KCNIP4: variants seen among roughly 807,000 people sequenced by gnomAD.
KCNIP4 encodes the protein potassium voltage-gated channel interacting protein 4, also known as Kv channel-interacting protein 4.
A neutral mutation model predicts 34.0 loss-of-function variants in KCNIP4; 12 were observed. That is an observed-to-expected ratio of 0.35 (90% CI 0.23 to 0.57). The LOEUF (loss-of-function observed/expected upper bound fraction) is 0.57. KCNIP4 is among the 20% of genes least tolerant of loss of function. The pLI is 0.83. For missense variants in KCNIP4, 238 were observed against 311.7 expected (o/e 0.76, Z 1.78); for synonymous variants, 124 against 102.2 (o/e 1.21, Z -1.29).
rs570899590 is a variant in KCNIP4, at chr4:21,502,466, TAAG to T, written c.61+446102_61+446104del. Among the ~76,000 whole-genome samples, 634 of 152,278 alleles carry T rather than the reference TAAG, an allele frequency of 4.2e-3. 4 individuals are homozygous for T. The highest frequency in any genetic ancestry group is 0.015 in the African/African-American group (606 of 41,568). ...TTTGCCATTGCCAATCATTTTGCCC[TAAG>T]AATATACAAATCCCCAGATATCAGG... is the stretch of plus-strand genomic sequence containing the variant. On this transcript the variant is annotated intron_variant, in intron 1 of 8. Coordinates refer to ENST00000382152, the MANE Select transcript of KCNIP4 (RefSeq NM_025221.6).
chr4:21,547,117 A>C (rs1577573441), intron 1 of KCNIP4, among the ~76,000 whole-genome samples: 1 of 152,174 alleles, frequency 6.6e-6, no homozygotes, highest in East Asian at 1.9e-4. Flanking sequence ...AGGACAAATG[A>C]ATGTGGAGTA....
rs147182737 is a variant in KCNIP4 at position 21,177,207 on chromosome 4, G to A, written c.62-294498C>T. Among the ~76,000 whole-genome samples the A allele has an allele frequency of 7.4e-3, 1,130 of 152,128 alleles. 20 individuals are homozygous for A. Among genetic ancestry groups the A allele is most frequent in the African/African-American group, 0.025 (1,025 of 41,518 alleles). On this transcript the variant is annotated intron_variant, in intron 1 of 8. Coordinates refer to ENST00000382152, the MANE Select transcript of KCNIP4 (RefSeq NM_025221.6). ...ATATAGAGTTAAAAAAATCTGGCCC[G>A]TGGAGAATACAATCTAGTAAAAGAG...
chr4:21,846,061 A>G (rs1294257985), intron 1 of KCNIP4: 3 of 152,012 alleles, frequency 2.0e-5, no homozygotes, highest in African/African-American at 7.2e-5. Flanking sequence ...GTCATATAAT[A>G]TGGATGCTTC....
intron 1 of KCNIP4, among the ~76,000 whole-genome samples, chr4:20,928,876 A>T (rs2149597597): frequency 6.6e-6 from 1 of 152,104 alleles, no homozygotes; most frequent in Admixed American, 6.5e-5. Context: ...ACCAATAAAA[A>T]TTAAGAGATT....
chr4:21,364,444 A>G (rs994195796), intron 1 of KCNIP4, among the ~76,000 whole-genome samples: 7 of 152,286 alleles, frequency 4.6e-5, no homozygotes, highest in Admixed American at 4.6e-4. Context: ...AATTGTTTTG[A>G]GAAAACAAAT....
rs1272418044 is a variant in KCNIP4, at chr4:21,927,675, T to G, written c.61+20896A>C. ...AGTAACAAGTATTCGGTTTACTTTT[T>G]TACTTTCATGTGTAATATTCAAGTC... On this transcript the variant is annotated intron_variant, in intron 1 of 8. Coordinates refer to ENST00000382152, the MANE Select transcript of KCNIP4 (RefSeq NM_025221.6). Among the ~76,000 whole-genome samples the G allele has an allele frequency of 2.0e-5, 3 of 152,204 alleles. No individual in the cohort carries two copies. In the East Asian group the frequency reaches 5.8e-4, roughly 29 times the overall value.
At chr4:21,125,303 C>T (rs1310479278) in intron 1 of KCNIP4, among the ~76,000 whole-genome samples, 12 of 150,710 alleles carry the variant, frequency 8.0e-5, no homozygotes, top group African/African-American at 2.2e-4. Context: ...CAGCAACCTC[C>T]GCCTCAGGGT....
chr4:21,730,599 TAA>T (rs1177513747), intron 1 of KCNIP4, among the ~76,000 whole-genome samples: 1 of 152,066 alleles, frequency 6.6e-6, no homozygotes, highest in Non-Finnish European at 1.5e-5. Flanking sequence ...TAATGAAAAA[TAA>T]GTTTCATGAG....
intron 1 of KCNIP4, among the ~76,000 whole-genome samples, chr4:21,072,976 G>T (rs1745110921): frequency 6.6e-6 from 1 of 152,140 alleles, no homozygotes; most frequent in Non-Finnish European, 1.5e-5. Flanking sequence ...TATTCTTTCT[G>T]AGGACTCTGT....
intron 1 of KCNIP4, chr4:20,983,696 A>G: frequency 2.6e-6 from 2 of 783,254 alleles, no homozygotes; most frequent in African/African-American, 3.5e-5. Flanking sequence ...GCTCTATGCC[A>G]AACATGCATA....
chr4:21,204,889 C>A (rs1222057944), intron 1 of KCNIP4, among the ~76,000 whole-genome samples: 3 of 152,078 alleles, frequency 2.0e-5, no homozygotes, highest in African/African-American at 4.8e-5. Flanking sequence ...TGTTTGGGAG[C>A]CTTTATATCA....
At chr4:21,297,305 G>A (rs77588992) in intron 1 of KCNIP4, among the ~76,000 whole-genome samples, 4,429 of 151,986 alleles carry the variant, frequency 0.029, 127 homozygotes, top group East Asian at 0.096. Flanking sequence ...ATTACTAAAC[G>A]TATTCAGACA....
chr4:21,512,188 CGAAGGAACGAACGAAG>C (rs1344771056), intron 1 of KCNIP4, among the ~76,000 whole-genome samples: 14 of 139,492 alleles, frequency 1.0e-4, no homozygotes, highest in African/African-American at 3.8e-4. Flanking sequence ...AAGGAACGAA[CGAAGGAACGAACGAAG>C]GAAGGAAGGA....
chr4:21,456,693 A>G (rs1443164533), intron 1 of KCNIP4, among the ~76,000 whole-genome samples: 1 of 128,394 alleles, frequency 7.8e-6, no homozygotes, highest in Non-Finnish European at 1.6e-5. Context: ...TTGTGGGGTC[A>G]GCTAGCCTGA....
At chr4:21,749,689 C>T (rs1717020359) in intron 1 of KCNIP4, among the ~76,000 whole-genome samples, 1 of 152,136 alleles carries the variant, frequency 6.6e-6, no homozygotes, top group Non-Finnish European at 1.5e-5. Flanking sequence ...CACTGCCCTC[C>T]ACATGTGCTA....
At chr4:21,443,292 T>C (rs1162193404) in intron 1 of KCNIP4, among the ~76,000 whole-genome samples, 4 of 152,158 alleles carry the variant, frequency 2.6e-5, no homozygotes, top group Non-Finnish European at 4.4e-5. Flanking sequence ...GGCCTGAAAG[T>C]CCTGACACTC....
chr4:20,742,394 G>T (rs967766759), intron 5 of KCNIP4, among the ~76,000 whole-genome samples: 1 of 152,114 alleles, frequency 6.6e-6, no homozygotes, highest in African/African-American at 2.4e-5. Context: ...TCATCCCTGG[G>T]ATGCAAGGCT....
At chr4:20,842,129 AG>A (rs1162941905) in intron 3 of KCNIP4, among the ~76,000 whole-genome samples, 10 of 152,160 alleles carry the variant, frequency 6.6e-5, no homozygotes, top group African/African-American at 2.4e-4. Flanking sequence ...CAAACTCTAA[AG>A]AAAAATTACC....
At chr4:21,262,942 T>G (rs1040205047) in intron 1 of KCNIP4, among the ~76,000 whole-genome samples, 1 of 152,220 alleles carries the variant, frequency 6.6e-6, no homozygotes, top group African/African-American at 2.4e-5. Context: ...TGTTTGGACA[T>G]AGTAGTTGCC....
Sources: gnomAD v4.1 joint callset for allele counts (sites outside exome capture counted in the v4.1 genomes callset) on GRCh38, gnomAD v4.1.1 for gene constraint, MANE v1.5 for transcripts, NCBI Gene and HGNC (gene_info 2026-07-23, HGNC 2026-07-21) for gene names.